Variants in ZFR2 observed in about 807,000 individuals in gnomAD.
ZFR2 encodes zinc finger RNA-binding protein 2.
In ZFR2, 104 loss-of-function variants were observed where a neutral mutation model predicts 105.7. The ratio of observed to expected loss-of-function variants is 0.98; its 90% confidence interval spans 0.84 to 1.16. The LOEUF is 1.16. Ranked by LOEUF, ZFR2 falls within the 50% of genes most tolerant of loss-of-function variation. The probability of loss-of-function intolerance (pLI) is 0.00; values close to 1 mark genes in which losing one functional copy is unlikely to be tolerated. For synonymous variants in ZFR2, 634 were observed against 597.7 expected, an observed-to-expected ratio of 1.06 and a Z score of -0.89; for missense variants, 1,425 against 1,355.5, an observed-to-expected ratio of 1.05 and a Z score of -0.80.
In ZFR2 at chr19:3,804,862, TTTTGTTTGTTTG is replaced by T. The variant is rs142608101; in HGVS notation, c.*1075_*1086del. On this transcript the variant is annotated 3_prime_UTR_variant, in exon 19 of 19. Transcript: ENST00000262961. Reference sequence around the variant, plus strand: ...ATGCCGCAGCCGCATCCAAAGAAAGTTTTGTTTGTTTGTTTGTTTGTTTGTTTGTTTCTTTGA... The same window carrying T: ...ATGCCGCAGCCGCATCCAAAGAAAGTTTTGTTTGTTTGTTTGTTTCTTTGA... 10,964 of 153,108 alleles carry T rather than the reference TTTTGTTTGTTTG, an allele frequency of 0.072. 1,181 individuals are homozygous for T. Among genetic ancestry groups the T allele is most frequent in the African/African-American group, 0.24 (9,850 of 41,402 alleles). 9.5% of individuals were successfully genotyped at this position (153,108 alleles called of 1,614,324 possible).
Position 3,823,464 on chromosome 19 carries a change from C to A in ZFR2, c.1214-61G>T, listed in dbSNP as rs891299062. Reference sequence around the variant, plus strand: ...CAGGAGAAAGCACTGCAGCTGCAGACCCGCCAGGCGGCATGGGGTGGAGAG... The same window carrying A: ...CAGGAGAAAGCACTGCAGCTGCAGAACCGCCAGGCGGCATGGGGTGGAGAG... On this transcript the variant is annotated intron_variant, in intron 7 of 18. Transcript: ENST00000262961. The surrounding 1 kb of genome is among the most constrained non-coding windows in gnomAD (Gnocchi z 5.4). 1.5e-5 allele frequency: 22 copies of A among 1,509,354 alleles called. No individual in the cohort carries two copies. Among genetic ancestry groups the A allele is most frequent in the Non-Finnish European group, 1.9e-5 (22 of 1,129,562 alleles). 93.5% of individuals were successfully genotyped at this position (1,509,354 alleles called of 1,614,324 possible). A position where few individuals can be genotyped will look rare whatever the true frequency, so the allele number is the denominator to read the frequency against.
intron 11 of ZFR2, among the ~76,000 whole-genome samples, chr19:3,819,441 G>C (rs73521134): frequency 6.6e-6 from 1 of 152,208 alleles, no homozygotes; most frequent in Non-Finnish European, 1.5e-5. Flanking sequence ...CAGGAAGCTC[G>C]GGTCTGAGTG....
At chr19:3,865,608 T>G (rs2038419141) in intron 1 of ZFR2, among the ~76,000 whole-genome samples, 1 of 152,178 alleles carries the variant, frequency 6.6e-6, no homozygotes, top group Admixed American at 6.5e-5. Context: ...TCCTCCTGTC[T>G]TGGCCTTCGA....
Position 3,822,122 on chromosome 19 carries a change from C to A in ZFR2, c.1450G>T (p.Asp484Tyr). 1 of 1,610,308 alleles carries A rather than the reference C, an allele frequency of 6.2e-7. No homozygotes were observed. The highest frequency in any genetic ancestry group is 8.5e-7 in the Non-Finnish European group (1 of 1,178,646). Residue 484 changes from aspartate to tyrosine, a missense_variant, in exon 9 of 19, where the codon GAC becomes TAC. By Grantham distance (160) the Asp-to-Tyr change is radical (BLOSUM62 -3). Transcript: ENST00000262961. ...ECSFNDLNAK[D>Y]LHVRGRRHRL... ...TGCCGCCGCCCCCTCACGTGCAGGT[C>A]CTTCGCGTTAAGGTCGTTGAAACTG...
Position 3,806,066 on chromosome 19 carries a change from C to T in ZFR2, c.2703G>A (p.Leu901=). The T allele has an allele frequency of 6.5e-7, 1 of 1,531,650 alleles. No individual in the cohort carries two copies. The highest frequency in any genetic ancestry group is 8.8e-7 in the Non-Finnish European group (1 of 1,140,044). The allele number at this position is 1,531,650 out of a possible 1,614,324, so 94.9% of individuals were successfully genotyped here. Residue 901 remains leucine (L), a synonymous_variant, in exon 19 of 19, where the codon CTG becomes CTA. Transcript: ENST00000262961. ...GGGCCCCCAGCCGGTGTCTGGGCGGCAGGAGATCCATGCCCAGGACCTTGT... is the reference window on the plus strand; with the variant it reads ...GGGCCCCCAGCCGGTGTCTGGGCGGTAGGAGATCCATGCCCAGGACCTTGT... ...QTHKVLGMDL[L]PPRHRLGARF...
At position 3,834,074 on chromosome 19, in the gene ZFR2, G is replaced by C. The variant is rs1050883225; in HGVS notation, c.265-296C>G. ...CGGCAGGAGAGGGCGGGTTTGCAGG[G>C]AGAAGCCCCCGAGGCCTTGGCAAGG... On this transcript the variant is annotated intron_variant, in intron 2 of 18. Coordinates refer to ENST00000262961, the MANE Select transcript of ZFR2 (RefSeq NM_015174.2). This position sits in a 1 kb window ranked among gnomAD's most constrained non-coding sequence, Gnocchi z 5.3. Among the ~76,000 whole-genome samples the C allele has an allele frequency of 6.6e-6, 1 of 152,196 alleles. No individual in the cohort carries two copies. Among genetic ancestry groups the C allele is most frequent in the African/African-American group, 2.4e-5 (1 of 41,456 alleles).
At position 3,810,733 on chromosome 19, in the gene ZFR2, G is replaced by A. The variant is rs147071866; in HGVS notation, c.2433+17C>T. 3,226 of 1,544,858 alleles carry A rather than the reference G, an allele frequency of 2.1e-3. 66 individuals carry two copies. The African/African-American group carries it at 0.038, about 18-fold the overall frequency. On this transcript the variant is annotated intron_variant, in intron 16 of 18. Transcript: ENST00000262961. ...GGGGGTCCCAGTGGAGGGCCGGGCCGCCAGGCACTGCCTTACCCAGGCTGG... is the reference window on the plus strand; with the variant it reads ...GGGGGTCCCAGTGGAGGGCCGGGCCACCAGGCACTGCCTTACCCAGGCTGG...
intron 3 of ZFR2, among the ~76,000 whole-genome samples, chr19:3,833,118 G>A (rs1187851516): frequency 6.6e-6 from 1 of 151,704 alleles, no homozygotes; most frequent in Non-Finnish European, 1.5e-5. Flanking sequence ...GCATGGTGGC[G>A]CGTGCCTGCA....
At chr19:3,855,507 C>A in intron 1 of ZFR2, 1 of 1,187,030 alleles carries the variant, frequency 8.4e-7, no homozygotes, top group Non-Finnish European at 1.1e-6. Flanking sequence ...GTCATGGGCG[C>A]TGTCACAGCA....
At position 3,858,530 on chromosome 19, in the gene ZFR2, G is replaced by A. The variant is rs2038334066; in HGVS notation, c.53+10435C>T. 6.6e-6 allele frequency among the ~76,000 whole-genome samples: 1 copy of A among 152,148 alleles called. No individual in the cohort carries two copies. The highest frequency in any genetic ancestry group is 2.4e-5 in the African/African-American group (1 of 41,434). On this transcript the variant is annotated intron_variant, in intron 1 of 18. Coordinates refer to ENST00000262961, the MANE Select transcript of ZFR2 (RefSeq NM_015174.2). This position sits in a 1 kb window ranked among gnomAD's most constrained non-coding sequence, Gnocchi z 4.3. Reference sequence around the variant, plus strand: ...ATGTCATCATTCTTTCTAAAAACAAGGACTCAGTCAGGTGCAGTGGCTCAC... The same window carrying A: ...ATGTCATCATTCTTTCTAAAAACAAAGACTCAGTCAGGTGCAGTGGCTCAC...
chr19:3,815,074 C>G (rs1244315647), intron 13 of ZFR2, among the ~76,000 whole-genome samples: 2 of 151,994 alleles, frequency 1.3e-5, no homozygotes, highest in African/African-American at 2.4e-5. Flanking sequence ...ACTCTGGGGA[C>G]TGATTTTTCA....
At chr19:3,810,656 A>T in intron 16 of ZFR2, 94 bp downstream of exon 16, 2 of 1,245,640 alleles carry the variant, frequency 1.6e-6, no homozygotes, top group Non-Finnish European at 2.2e-6. Flanking sequence ...GGCTCCTTCG[A>T]GGGAAAAGGT....
At chr19:3,853,842 G>C (rs1260286563) in intron 1 of ZFR2, among the ~76,000 whole-genome samples, 1 of 152,074 alleles carries the variant, frequency 6.6e-6, no homozygotes, top group Non-Finnish European at 1.5e-5. Context: ...GCCAAGGCAG[G>C]AGGATAGCTT....
At position 3,819,053 on chromosome 19, in the gene ZFR2, G is replaced by A. The variant is rs369901223; in HGVS notation, c.1923C>T (p.Asp641=). The A allele has an allele frequency of 6.8e-6, 11 of 1,612,166 alleles. No homozygotes were observed. The highest frequency in any genetic ancestry group is 9.3e-6 in the Non-Finnish European group (11 of 1,179,676). Residue 641 remains aspartate (D), a synonymous_variant, in exon 12 of 19, where the codon GAC becomes GAT. Transcript: ENST00000262961. ...AGGGGATCTCCAATGACCTGCGCTT[G>A]TCACCCTCTTCCTCTCGGCGGCCCC... ...EDRGRREEEG[D]KRSSVAPQTR... is the part of the protein sequence containing the mutation.
At chr19:3,819,813 G>A (rs1449995296) in intron 11 of ZFR2, among the ~76,000 whole-genome samples, 2 of 151,250 alleles carry the variant, frequency 1.3e-5, no homozygotes, top group African/African-American at 2.4e-5. Flanking sequence ...CGATTGCACC[G>A]CTACACTCCA....
In ZFR2 at chr19:3,813,697, A is replaced by C; in HGVS notation, c.2242+123T>G. 7.3e-7 allele frequency: 1 copy of C among 1,369,410 alleles called. No individual in the cohort carries two copies. 84.8% of individuals were successfully genotyped at this position (1,369,410 alleles called of 1,614,324 possible). ...ATCCTCAGGGGGACAGCAGTGCTGG[A>C]GCGTGGCTGCTGTGGCATTTCCTGC... On this transcript the variant is annotated intron_variant, in intron 14 of 18. Transcript: ENST00000262961. This position sits in a 1 kb window ranked among gnomAD's most constrained non-coding sequence, Gnocchi z 4.4.
At chr19:3,852,193 CG>C in intron 1 of ZFR2, 1 of 458,424 alleles carries the variant, frequency 2.2e-6, no homozygotes. Context: ...CTGGCCAAGG[CG>C]GGGCTCAGCT....
chr19:3,851,549 T>A (rs1217414414), intron 1 of ZFR2, among the ~76,000 whole-genome samples: 4 of 152,164 alleles, frequency 2.6e-5, no homozygotes, highest in Non-Finnish European at 5.9e-5. Context: ...TTGTCTCCAA[T>A]GGGGCAGCCC....
At position 3,859,292 on chromosome 19, in the gene ZFR2, C is replaced by T. The variant is rs954581876; in HGVS notation, c.53+9673G>A. On this transcript the variant is annotated intron_variant, in intron 1 of 18. Transcript: ENST00000262961. Reference sequence around the variant, plus strand: ...TTACACCAGCAGTTGGCCAGGGGCTCTCGGGCCTTTGGCCACAGACTGACG... The same window carrying T: ...TTACACCAGCAGTTGGCCAGGGGCTTTCGGGCCTTTGGCCACAGACTGACG... Among the ~76,000 whole-genome samples, 3 of 152,224 alleles carry T rather than the reference C, an allele frequency of 2.0e-5. No homozygotes were observed. The East Asian group carries it at 5.8e-4, about 29-fold the overall frequency.
Sources: allele counts gnomAD v4.1 joint callset (sites outside exome capture counted in the v4.1 genomes callset), GRCh38; gene constraint gnomAD v4.1.1; non-coding constraint Gnocchi (gnomAD v3.1); transcripts MANE v1.5; gene names NCBI Gene and HGNC (gene_info 2026-07-23, HGNC 2026-07-21).